GRIK2: variants seen among roughly 807,000 people sequenced by gnomAD.
The protein encoded by GRIK2 is glutamate ionotropic receptor kainate type subunit 2.
In GRIK2, 32 loss-of-function variants were observed where a neutral mutation model predicts 100.3. The observed-to-expected ratio is 0.32, with a 90% CI of 0.24 to 0.43. The LOEUF (loss-of-function observed/expected upper bound fraction) is 0.43, where lower values mean the gene tolerates loss of function less well. Among genes scored for constraint, GRIK2 ranks in the 20% least tolerant of loss-of-function variants. The pLI is 1.00. For synonymous variants in GRIK2, 417 were observed against 389.4 expected (o/e 1.07, Z -0.83); for missense variants, 843 against 1,114.9 (o/e 0.76, Z 3.47).
chr6:101,869,269 A>G (rs910221006), intron 11 of GRIK2, among the ~76,000 whole-genome samples: 4 of 151,982 alleles, frequency 2.6e-5, no homozygotes, highest in East Asian at 1.9e-4. Context: ...GAGAATTAAC[A>G]TAAAGAAAGT....
intron 11 of GRIK2, among the ~76,000 whole-genome samples, chr6:101,863,599 G>A (rs1784867391): frequency 6.6e-6 from 1 of 152,148 alleles, no homozygotes; most frequent in Non-Finnish European, 1.5e-5. Context: ...ATATCCTTAA[G>A]CCAGTGTTCT....
chr6:101,820,754 C>CT (rs557632772), intron 10 of GRIK2, among the ~76,000 whole-genome samples: 82 of 152,202 alleles, frequency 5.4e-4, no homozygotes, highest in African/African-American at 1.9e-3. Flanking sequence ...CTCAATTCTT[C>CT]TTTATGTTCT....
intron 10 of GRIK2, among the ~76,000 whole-genome samples, chr6:101,824,533 T>C (rs1436789849): frequency 6.6e-6 from 1 of 152,224 alleles, no homozygotes; most frequent in Non-Finnish European, 1.5e-5. Flanking sequence ...GTGTTTCTCA[T>C]TGTGCTATGC....
At chr6:101,526,392 T>C (rs1775158279) in intron 2 of GRIK2, among the ~76,000 whole-genome samples, 2 of 152,194 alleles carry the variant, frequency 1.3e-5, no homozygotes, top group South Asian at 2.1e-4. Context: ...GAAAACTATA[T>C]GCATTTGCTT....
intron 2 of GRIK2, among the ~76,000 whole-genome samples, chr6:101,588,241 A>G (rs980341066): frequency 2.6e-5 from 4 of 152,210 alleles, no homozygotes; most frequent in East Asian, 3.9e-4. Flanking sequence ...GATAAGAAAA[A>G]TAGAAAAAAG....
chr6:101,896,854 A>T (rs1182637499), intron 12 of GRIK2, among the ~76,000 whole-genome samples: 1 of 151,720 alleles, frequency 6.6e-6, no homozygotes, highest in African/African-American at 2.4e-5. Flanking sequence ...ATTAATTATA[A>T]TAAGTTACAG....
intron 14 of GRIK2, among the ~76,000 whole-genome samples, chr6:101,930,140 G>A (rs150310450): frequency 1.0e-3 from 152 of 152,130 alleles, no homozygotes; most frequent in Non-Finnish European, 1.7e-3. Flanking sequence ...CCAGGAGGTT[G>A]AGACCAGCCT....
At chr6:101,640,166 TAAAAC>T (rs1290322378) in intron 4 of GRIK2, among the ~76,000 whole-genome samples, 1 of 152,186 alleles carries the variant, frequency 6.6e-6, no homozygotes, top group Non-Finnish European at 1.5e-5. Flanking sequence ...GGGCTACTGT[TAAAAC>T]TAAAGATTCC....
intron 4 of GRIK2, among the ~76,000 whole-genome samples, chr6:101,666,827 G>A (rs994568648): frequency 5.1e-4 from 77 of 152,162 alleles, no homozygotes; most frequent in Admixed American, 4.8e-3. Flanking sequence ...CTGCAGGCAA[G>A]ATTTTGAGAT....
chr6:101,409,834 A>G (rs1340714253), intron 2 of GRIK2, among the ~76,000 whole-genome samples: 1 of 152,038 alleles, frequency 6.6e-6, no homozygotes, highest in Non-Finnish European at 1.5e-5. Context: ...GTATGTGTGG[A>G]ATAAAATAAT....
intron 12 of GRIK2, among the ~76,000 whole-genome samples, chr6:101,921,979 C>G (rs1789551121): frequency 6.6e-6 from 1 of 151,656 alleles, no homozygotes; most frequent in Non-Finnish European, 1.5e-5. Context: ...ATCAATTTAC[C>G]AAACATTTAT....
chr6:101,799,167 G>A (rs182169216), intron 7 of GRIK2, among the ~76,000 whole-genome samples: 46 of 152,046 alleles, frequency 3.0e-4, no homozygotes, highest in Non-Finnish European at 5.3e-4. Flanking sequence ...AAGGTTTTAA[G>A]TAAGTCTCCC....
chr6:101,974,943 G>C (rs1214403474), intron 14 of GRIK2, among the ~76,000 whole-genome samples: 1 of 151,666 alleles, frequency 6.6e-6, no homozygotes, highest in Admixed American at 6.6e-5. Context: ...AATAGAGTTA[G>C]GTAAAAATTA....
At chr6:101,742,040 G>C (rs1169156312) in intron 7 of GRIK2, among the ~76,000 whole-genome samples, 1 of 152,186 alleles carries the variant, frequency 6.6e-6, no homozygotes, top group Non-Finnish European at 1.5e-5. Context: ...TGCCCTAGTG[G>C]TAACAGCCTC....
chr6:101,719,138 G>GTTTTTTTTTTTTTTTTTTTTTTTTT (rs60301711), intron 7 of GRIK2, among the ~76,000 whole-genome samples: 2 of 101,168 alleles, frequency 2.0e-5, no homozygotes, highest in African/African-American at 5.0e-5. Flanking sequence ...GGCTGCAAGG[G>GTTTTTTTTTTTTTTTTTTTTTTTTT]TTTTTTTTTT....
chr6:101,994,067 A>AATAC (rs911944165), intron 14 of GRIK2, among the ~76,000 whole-genome samples: 2 of 149,486 alleles, frequency 1.3e-5, no homozygotes, highest in Non-Finnish European at 3.0e-5. Flanking sequence ...ATTATATACA[A>AATAC]ATACATACAT....
At chr6:101,705,350 T>A (rs1365944899) in intron 7 of GRIK2, among the ~76,000 whole-genome samples, 6 of 151,660 alleles carry the variant, frequency 4.0e-5, no homozygotes, top group African/African-American at 1.5e-4. Flanking sequence ...CTGTGAAACA[T>A]GTATAAAGTT....
chr6:102,000,436 T>C (rs1448046568), intron 14 of GRIK2, among the ~76,000 whole-genome samples: 1 of 151,974 alleles, frequency 6.6e-6, no homozygotes, highest in African/African-American at 2.4e-5. Context: ...CTCACCCCTC[T>C]GGTAGTCCAC....
chr6:101,813,945 C>G (rs2764231), intron 9 of GRIK2, among the ~76,000 whole-genome samples: 30,796 of 145,908 alleles, frequency 0.21, 4,927 homozygotes, highest in East Asian at 0.66. Flanking sequence ...GCTTGAAGGA[C>G]AAAGCAAGCT....
Sources: gnomAD v4.1 joint callset for allele counts (sites outside exome capture counted in the v4.1 genomes callset) on GRCh38, gnomAD v4.1.1 for gene constraint, MANE v1.5 for transcripts, NCBI Gene and HGNC (gene_info 2026-07-23, HGNC 2026-07-21) for gene names.